FBXO4: variants seen among roughly 807,000 people sequenced by gnomAD.
FBXO4 encodes F-box protein 4.
FBXO4 carries 36 observed loss-of-function variants against 43.7 expected under a neutral mutation model. The observed-to-expected ratio is 0.82, with a 90% CI of 0.63 to 1.09. The LOEUF (loss-of-function observed/expected upper bound fraction) is 1.09, where lower values mean the gene tolerates loss of function less well. Among genes scored for constraint, FBXO4 ranks in the 50% least tolerant of loss-of-function variants. FBXO4 has a pLI of 0.00. For synonymous variants in FBXO4, 180 were observed against 165.6 expected, an observed-to-expected ratio of 1.09 and a Z score of -0.67; for missense variants, 435 against 474.1, an observed-to-expected ratio of 0.92 and a Z score of 0.77.
chr5:41,945,116 G>A (rs1032851530), downstream of FBXO4, among the ~76,000 whole-genome samples: 1 of 152,086 alleles, frequency 6.6e-6, no homozygotes, highest in Non-Finnish European at 1.5e-5. Context: ...TAAAAAGATA[G>A]TCAATGAAGC....
At chr5:41,936,875 T>C (rs952815390) in intron 5 of FBXO4, among the ~76,000 whole-genome samples, 21 of 151,992 alleles carry the variant, frequency 1.4e-4, no homozygotes, top group Admixed American at 1.0e-3. Context: ...TAGTAAATAT[T>C]GTAGGCTTAT....
the FBXO4 span, among the ~76,000 whole-genome samples, chr5:41,990,742 A>G: frequency 1.3e-5 from 2 of 152,206 alleles, no homozygotes; most frequent in African/African-American, 2.4e-5. Context: ...GCAGAGGGGA[A>G]AAGTAAAGCA....
At position 41,925,346 on chromosome 5, in the gene FBXO4, C is replaced by T. The variant is rs1751443815; in HGVS notation, c.37C>T (p.Pro13Ser). Residue 13 changes from proline (P) to serine (S), a missense_variant, in exon 1 of 7, where the codon CCG becomes TCG. By Grantham distance (74) the Pro-to-Ser change is moderately conservative. Transcript: ENST00000281623. ...CGAGCCGCGCAGCGGAACAAACTCG[C>T]CGCCGCCGCCCTTCAGCGACTGGGG... ...GSEPRSGTNS[P>S]PPPFSDWGRL... The T allele has an allele frequency of 2.2e-6, 3 of 1,365,272 alleles. No individual in the cohort carries two copies. The highest frequency in any genetic ancestry group is 3.1e-5 in the East Asian group (1 of 32,412). 84.6% of individuals were successfully genotyped at this position (1,365,272 alleles called of 1,614,324 possible). A position where few individuals can be genotyped will look rare whatever the true frequency, so the allele number is the denominator to read the frequency against.
chr5:41,925,745 ACCCT>A (rs1440158329), intron 1 of FBXO4, among the ~76,000 whole-genome samples: 1 of 151,424 alleles, frequency 6.6e-6, no homozygotes. Flanking sequence ...GCCCCTGGGG[ACCCT>A]CCCGATCGCC....
the FBXO4 span, among the ~76,000 whole-genome samples, chr5:41,957,641 T>C: frequency 6.6e-6 from 1 of 151,714 alleles, no homozygotes; most frequent in African/African-American, 2.4e-5. Flanking sequence ...TCCCTATGTG[T>C]ACACTTTTTC....
At chr5:42,020,692 A>G in the FBXO4 span, among the ~76,000 whole-genome samples, 4 of 152,190 alleles carry the variant, frequency 2.6e-5, no homozygotes, top group Non-Finnish European at 5.9e-5. Context: ...GGGGAGGAAG[A>G]ATGAAATAGA....
chr5:41,988,118 TG>T, the FBXO4 span, among the ~76,000 whole-genome samples: 7 of 152,056 alleles, frequency 4.6e-5, no homozygotes, highest in African/African-American at 1.4e-4. Flanking sequence ...TGGTAACATG[TG>T]GGGGGGAGAG....
chr5:42,004,501 A>C, the FBXO4 span, among the ~76,000 whole-genome samples: 1 of 152,230 alleles, frequency 6.6e-6, no homozygotes, highest in Non-Finnish European at 1.5e-5. Context: ...GAACAAAAAT[A>C]GCAGAAATGT....
chr5:41,995,682 C>T, the FBXO4 span, among the ~76,000 whole-genome samples: 2 of 152,172 alleles, frequency 1.3e-5, no homozygotes, highest in African/African-American at 4.8e-5. Context: ...TTGATGAGTA[C>T]TCACATGAGA....
chr5:41,974,869 G>A, the FBXO4 span, among the ~76,000 whole-genome samples: 81 of 152,130 alleles, frequency 5.3e-4, no homozygotes, highest in South Asian at 1.2e-3. Flanking sequence ...GTCATGTTAC[G>A]TAGGAAATAA....
chr5:41,967,771 T>A, the FBXO4 span: 1 of 613,848 alleles, frequency 1.6e-6, no homozygotes, highest in Non-Finnish European at 3.2e-6. Flanking sequence ...CTTTCTCTCA[T>A]CAATGTGCTC....
At chr5:41,989,370 A>T in the FBXO4 span, among the ~76,000 whole-genome samples, 4 of 152,316 alleles carry the variant, frequency 2.6e-5, no homozygotes, top group Middle Eastern at 3.4e-3. Flanking sequence ...CTATTAATTC[A>T]GAACTTAGCA....
chr5:42,010,167 T>C, the FBXO4 span, among the ~76,000 whole-genome samples: 2 of 152,198 alleles, frequency 1.3e-5, no homozygotes, highest in Non-Finnish European at 1.5e-5. Flanking sequence ...CTTAGCATAA[T>C]GTCCTCAAGG....
chr5:41,941,914 T>C (rs1448428906), downstream of FBXO4, among the ~76,000 whole-genome samples: 1 of 152,160 alleles, frequency 6.6e-6, no homozygotes, highest in Non-Finnish European at 1.5e-5. Context: ...TAAAGCCAAA[T>C]TCTATTCCAT....
the FBXO4 span, among the ~76,000 whole-genome samples, chr5:42,030,377 A>G: frequency 6.6e-6 from 1 of 152,074 alleles, no homozygotes; most frequent in East Asian, 1.9e-4. Flanking sequence ...TATTTAATAA[A>G]TGGTGCTGGG....
the FBXO4 span, among the ~76,000 whole-genome samples, chr5:41,988,228 G>A: frequency 2.0e-5 from 3 of 152,094 alleles, no homozygotes; most frequent in African/African-American, 7.2e-5. Context: ...CAACCACTTT[G>A]TGTGGCACAG....
the FBXO4 span, among the ~76,000 whole-genome samples, chr5:42,017,715 A>T: frequency 2.6e-5 from 4 of 151,824 alleles, no homozygotes; most frequent in Non-Finnish European, 5.9e-5. Flanking sequence ...TTCCTGCATC[A>T]ATTCACTTAG....
intron 5 of FBXO4, among the ~76,000 whole-genome samples, chr5:41,935,404 T>C (rs547342796): frequency 1.3e-5 from 2 of 152,320 alleles, no homozygotes; most frequent in African/African-American, 4.8e-5. Context: ...AGGTATATCC[T>C]CCTGCTTTCT....
the FBXO4 span, chr5:41,968,344 A>T: frequency 6.5e-6 from 1 of 154,014 alleles, no homozygotes; most frequent in Middle Eastern, 3.3e-3. Context: ...ACCAACGCTG[A>T]CATGAGGGAA....
Sources: allele counts gnomAD v4.1 joint callset (sites outside exome capture counted in the v4.1 genomes callset), GRCh38; gene constraint gnomAD v4.1.1; transcripts MANE v1.5; gene names NCBI Gene and HGNC (gene_info 2026-07-23, HGNC 2026-07-21).